NIM1K: variants seen among roughly 807,000 people sequenced by gnomAD.
The protein encoded by NIM1K is serine/threonine-protein kinase NIM1.
A neutral mutation model predicts 37.1 loss-of-function variants in NIM1K; 35 were observed. The observed-to-expected ratio is 0.94, with a 90% CI of 0.72 to 1.25. The LOEUF (loss-of-function observed/expected upper bound fraction) is 1.25, where lower values mean the gene tolerates loss of function less well. NIM1K is among the 50% of genes most tolerant of loss of function. The pLI is 0.00. For synonymous variants in NIM1K, 234 were observed against 206.6 expected, an observed-to-expected ratio of 1.13 and a Z score of -1.14; for missense variants, 564 against 548.0, an observed-to-expected ratio of 1.03 and a Z score of -0.29.
intron 1 of NIM1K, among the ~76,000 whole-genome samples, chr5:43,239,220 A>G (rs1214888811): frequency 6.6e-6 from 1 of 151,792 alleles, no homozygotes; most frequent in Non-Finnish European, 1.5e-5. Context: ...CTCTGCTGCT[A>G]TCTCCTCTCT....
At chr5:43,243,243 T>C (rs1048905337) in intron 1 of NIM1K, among the ~76,000 whole-genome samples, 3 of 152,246 alleles carry the variant, frequency 2.0e-5, no homozygotes, top group East Asian at 3.8e-4. Context: ...CTGCATTCTA[T>C]GGAAAATCTA....
intron 1 of NIM1K, chr5:43,207,726 C>T (rs542979873): frequency 1.7e-5 from 8 of 483,620 alleles, no homozygotes; most frequent in East Asian, 4.8e-5. Flanking sequence ...AATTGTTCTG[C>T]GGAATTCTCA....
intron 1 of NIM1K, chr5:43,207,744 T>C: frequency 4.2e-6 from 2 of 471,784 alleles, no homozygotes; most frequent in South Asian, 3.7e-5. Context: ...TCAAAGGAGA[T>C]CGTCTGTGTC....
intron 3 of NIM1K, among the ~76,000 whole-genome samples, 177 bp from the exon 4 acceptor site, chr5:43,279,803 G>A (rs890507632): frequency 6.6e-6 from 1 of 152,204 alleles, no homozygotes; most frequent in Non-Finnish European, 1.5e-5. Flanking sequence ...TATTTGGGGA[G>A]GTGTAGGCAT....
chr5:43,257,748 T>C (rs1312359661), intron 2 of NIM1K, among the ~76,000 whole-genome samples: 1 of 151,806 alleles, frequency 6.6e-6, no homozygotes, highest in Non-Finnish European at 1.5e-5. Flanking sequence ...TTTTTTGTGA[T>C]GTTTTTTATA....
chr5:43,277,259 G>C lies in NIM1K; in HGVS notation c.495G>C (p.Glu165Asp), dbSNP rs780758278. The stretch of plus-strand genomic sequence containing the variant: ...AGCTCTTCGGAAAAATTAGCACTGA[G>C]GGGAAGCTCTCTGAACCAGAAAGCA... ...GGELFGKIST[E>D]GKLSEPESKL... The change falls in exon 3 of 4, where the codon GAG becomes GAC. Residue 165 changes from glutamate (E) to aspartate (D), a missense_variant. By Grantham distance (45) the Glu-to-Asp change is conservative (BLOSUM62 2). Transcript: ENST00000326035. The C allele has an allele frequency of 6.2e-7, 1 of 1,613,984 alleles. No individual in the cohort carries two copies. Among genetic ancestry groups the C allele is most frequent in the East Asian group, 2.2e-5 (1 of 44,886 alleles).
At chr5:43,235,594 T>C (rs1294393056) in intron 1 of NIM1K, among the ~76,000 whole-genome samples, 1 of 152,218 alleles carries the variant, frequency 6.6e-6, no homozygotes, top group East Asian at 1.9e-4. Context: ...TTCTTACAGA[T>C]ATTTGACAGC....
rs774125135 is a variant in NIM1K, at chr5:43,196,942, C to CTTT, written c.-695+4552_-695+4554dup. Among the ~76,000 whole-genome samples the CTTT allele has an allele frequency of 9.4e-3, 778 of 82,672 alleles. 4 individuals are homozygous for CTTT. Among genetic ancestry groups the CTTT allele is most frequent in the Non-Finnish European group, 0.014 (627 of 44,360 alleles). The allele number at this position is 82,672 out of a possible 152,430, so 54.2% of individuals were successfully genotyped here. A position where few individuals can be genotyped will look rare whatever the true frequency, so the allele number is the denominator to read the frequency against. ...TGCACGCTACCATGCCCATGCCCAG[C>CTTT]TTTTTTTTTTTTTTTTTTTTTTTGG... is the stretch of plus-strand genomic sequence containing the variant. On this transcript the variant is annotated intron_variant, in intron 1 of 3. Transcript: ENST00000326035.
rs1342032573 is a variant in NIM1K at position 43,280,268 on chromosome 5, C to T, written c.850C>T (p.Leu284Phe). ...ETVAKLKKSI[L>F]EGTYSVPPHV... Reference sequence around the variant, plus strand: ...CGTGGCCAAACTAAAAAAGAGCATCCTCGAGGGCACATACAGTGTACCGCC... The same window carrying T: ...CGTGGCCAAACTAAAAAAGAGCATCTTCGAGGGCACATACAGTGTACCGCC... Residue 284 changes from leucine to phenylalanine, a missense_variant, in exon 4 of 4, where the codon CTC (leucine) becomes TTC (phenylalanine). Transcript: ENST00000326035. The T allele has an allele frequency of 1.1e-5, 17 of 1,614,148 alleles. No homozygotes were observed. Among genetic ancestry groups the T allele is most frequent in the Non-Finnish European group, 1.4e-5 (17 of 1,180,026 alleles).
intron 1 of NIM1K, among the ~76,000 whole-genome samples, chr5:43,217,708 A>ATTTTTTTTTTTTTT (rs71608698): frequency 2.1e-5 from 2 of 93,648 alleles, no homozygotes; most frequent in African/African-American, 4.3e-5. Context: ...TCCTCTGTCT[A>ATTTTTTTTTTTTTT]TTTTTTTTTT....
chr5:43,207,387 G>C, intron 1 of NIM1K: 1 of 850,060 alleles, frequency 1.2e-6, no homozygotes, highest in Non-Finnish European at 2.0e-6. Context: ...AAATATATGC[G>C]AAAAACGTGT....
chr5:43,265,869 G>T (rs996723748), intron 2 of NIM1K, among the ~76,000 whole-genome samples: 5 of 152,230 alleles, frequency 3.3e-5, no homozygotes, highest in African/African-American at 1.2e-4. Context: ...CTGCAGGTCT[G>T]TTGGAGTTTG....
chr5:43,263,547 T>C (rs1753070519), intron 2 of NIM1K, among the ~76,000 whole-genome samples: 1 of 151,316 alleles, frequency 6.6e-6, no homozygotes, highest in African/African-American at 2.4e-5. Flanking sequence ...TTGTTGATCT[T>C]TTCAAAAAAA....
intron 2 of NIM1K, among the ~76,000 whole-genome samples, chr5:43,271,483 T>C (rs1753255751): frequency 6.6e-6 from 1 of 152,158 alleles, no homozygotes; most frequent in Admixed American, 6.5e-5. Context: ...ATGGATACAC[T>C]TTATAAATAC....
chr5:43,208,903 C>T (rs777780415), intron 1 of NIM1K, among the ~76,000 whole-genome samples: 15 of 152,048 alleles, frequency 9.9e-5, no homozygotes, highest in Non-Finnish European at 1.9e-4. Context: ...GTTTTGGCTC[C>T]CCTAGGGAAG....
At chr5:43,217,050 TG>T (rs1159596583) in intron 1 of NIM1K, among the ~76,000 whole-genome samples, 1 of 152,214 alleles carries the variant, frequency 6.6e-6, no homozygotes, top group Non-Finnish European at 1.5e-5. Context: ...CAGAGAGTTG[TG>T]CATACACCAC....
chr5:43,229,276 G>A (rs895675628), intron 1 of NIM1K, among the ~76,000 whole-genome samples: 11 of 150,650 alleles, frequency 7.3e-5, no homozygotes, highest in Admixed American at 4.0e-4. Flanking sequence ...TCGCAGGTAC[G>A]CAGGAGGCTG....
At chr5:43,239,186 C>T (rs1752661891) in intron 1 of NIM1K, among the ~76,000 whole-genome samples, 1 of 149,330 alleles carries the variant, frequency 6.7e-6, no homozygotes, top group Non-Finnish European at 1.5e-5. Context: ...ATCTCTCCAT[C>T]TCCCCAAAAA....
rs1752774061 is a variant in NIM1K, at chr5:43,245,973, G to A, written c.198G>A (p.Thr66=). Residue 66 remains threonine (T), a synonymous_variant, in exon 2 of 4, where the codon ACG becomes ACA. Coordinates refer to ENST00000326035, the MANE Select transcript of NIM1K (RefSeq NM_153361.4). ...SQDEKVVREI[T]LGKRIGFYRI... is the part of the protein sequence containing the mutation. ...ATGAGAAGGTGGTGAGGGAGATCACGCTGGGGAAACGGATAGGCTTCTACC... is the reference window on the plus strand; with the variant it reads ...ATGAGAAGGTGGTGAGGGAGATCACACTGGGGAAACGGATAGGCTTCTACC... 2.5e-6 allele frequency: 4 copies of A among 1,614,146 alleles called. No individual in the cohort carries two copies. The highest frequency in any genetic ancestry group is 3.4e-6 in the Non-Finnish European group (4 of 1,179,996).
Sources: gnomAD v4.1 joint callset for allele counts (sites outside exome capture counted in the v4.1 genomes callset) on GRCh38, gnomAD v4.1.1 for gene constraint, MANE v1.5 for transcripts, NCBI Gene and HGNC (gene_info 2026-07-23, HGNC 2026-07-21) for gene names.